Variants in GXYLT1 observed in about 807,000 individuals in gnomAD.
GXYLT1 encodes the protein glucoside xylosyltransferase 1.
GXYLT1 carries 29 observed loss-of-function variants against 54.0 expected under a neutral mutation model. The ratio of observed to expected loss-of-function variants is 0.54; its 90% CI spans 0.40 to 0.73. The LOEUF (loss-of-function observed/expected upper bound fraction) is 0.73. GXYLT1 is among the 30% of genes least tolerant of loss of function. GXYLT1 has a pLI of 0.00. For synonymous variants in GXYLT1, 176 were observed against 204.1 expected (o/e 0.86, Z 1.17); for missense variants, 490 against 553.4 (o/e 0.89, Z 1.15).
At chr12:42,095,735 T>A (rs1166701183) in intron 7 of GXYLT1, among the ~76,000 whole-genome samples, 3 of 152,106 alleles carry the variant, frequency 2.0e-5, no homozygotes, top group Non-Finnish European at 1.5e-5. Context: ...AAAATGCAAT[T>A]ATATCAACAA....
At chr12:42,115,380 C>T (rs982386985) in intron 3 of GXYLT1, among the ~76,000 whole-genome samples, 12 of 152,292 alleles carry the variant, frequency 7.9e-5, no homozygotes, top group African/African-American at 2.9e-4. Flanking sequence ...ATCTAGAAAA[C>T]CCCATCATTC....
At chr12:42,103,302 C>T (rs1253228759) in intron 5 of GXYLT1, among the ~76,000 whole-genome samples, 2 of 152,114 alleles carry the variant, frequency 1.3e-5, no homozygotes, top group Non-Finnish European at 2.9e-5. Context: ...ACACCAGGTT[C>T]GAAATGAACA....
chr12:42,112,467 A>C (rs1275197236), intron 3 of GXYLT1, among the ~76,000 whole-genome samples: 1 of 152,242 alleles, frequency 6.6e-6, no homozygotes, highest in African/African-American at 2.4e-5. Flanking sequence ...GGAGCTGAAA[A>C]CCAAGGCATG....
chr12:42,144,713 G>C lies in GXYLT1; in HGVS notation c.-67C>G. 1 of 1,184,266 alleles carries C rather than the reference G, an allele frequency of 8.4e-7. No individual in the cohort carries two copies. Among genetic ancestry groups the C allele is most frequent in the South Asian group, 1.9e-5 (1 of 51,462 alleles). The allele number at this position is 1,184,266 out of a possible 1,614,324, so 73.4% of individuals were successfully genotyped here. ...GCCCCGACGAACTGGAGCGGAGGGA[G>C]GGGCACCGCGCAGCCGCGGGCGCAA... On this transcript the variant is annotated 5_prime_UTR_variant, in exon 1 of 8. Transcript: ENST00000398675.
At chr12:42,112,760 G>A (rs1372630144) in intron 3 of GXYLT1, among the ~76,000 whole-genome samples, 1 of 151,222 alleles carries the variant, frequency 6.6e-6, no homozygotes, top group Non-Finnish European at 1.5e-5. Context: ...AACAAGGCAG[G>A]CCAACATTCA....
rs113292831 is a variant in GXYLT1 at position 42,085,330 on chromosome 12, T to C, written c.*2456A>G. 3,020 of 105,874 alleles carry C rather than the reference T, an allele frequency of 0.029. No homozygotes were observed. Among genetic ancestry groups the C allele is most frequent in the South Asian group, 0.029 (106 of 3,650 alleles). 6.6% of individuals were successfully genotyped at this position (105,874 alleles called of 1,614,324 possible). A position where few individuals can be genotyped will look rare whatever the true frequency, so the allele number is the denominator to read the frequency against. On this transcript the variant is annotated 3_prime_UTR_variant, in exon 8 of 8. Coordinates refer to ENST00000398675, the MANE Select transcript of GXYLT1 (RefSeq NM_173601.2). ...GTGACAGTGTAAATAAGCCACAACA[T>C]GAGTGAGACCACAGCATACAGTCCA...
intron 5 of GXYLT1, 54 bp from the exon 6 acceptor site, chr12:42,098,087 C>A (rs1472406569): frequency 6.4e-7 from 1 of 1,556,914 alleles, no homozygotes; most frequent in Non-Finnish European, 8.8e-7. Flanking sequence ...AAAATGGCAG[C>A]ATGATGACAG....
In GXYLT1 at chr12:42,087,712, C is replaced by A; in HGVS notation, c.*74G>T. The A allele has an allele frequency of 9.1e-7, 1 of 1,096,014 alleles. No individual in the cohort carries two copies. The highest frequency in any genetic ancestry group is 3.1e-5 in the Admixed American group (1 of 31,834). 67.9% of individuals were successfully genotyped at this position (1,096,014 alleles called of 1,614,324 possible). A position where few individuals can be genotyped will look rare whatever the true frequency, so the allele number is the denominator to read the frequency against. Reference sequence around the variant, plus strand: ...ATGAGTAATTCCTTCCTGAATACTTCATCCAAGACGATTCCTTCACACTTA... The same window carrying A: ...ATGAGTAATTCCTTCCTGAATACTTAATCCAAGACGATTCCTTCACACTTA... On this transcript the variant is annotated 3_prime_UTR_variant, in exon 8 of 8. Transcript: ENST00000398675.
chr12:42,118,342 T>A (rs984005927), intron 3 of GXYLT1, among the ~76,000 whole-genome samples: 4 of 152,174 alleles, frequency 2.6e-5, no homozygotes, highest in Non-Finnish European at 4.4e-5. Context: ...ACAAAATAAA[T>A]CATAGGATTT....
At chr12:42,141,855 A>G (rs1323119149) in intron 1 of GXYLT1, among the ~76,000 whole-genome samples, 1 of 152,186 alleles carries the variant, frequency 6.6e-6, no homozygotes, top group South Asian at 2.1e-4. Flanking sequence ...ATGGCTTCAA[A>G]CAGAATACAC....
At chr12:42,139,844 G>A (rs1204414800) in intron 1 of GXYLT1, among the ~76,000 whole-genome samples, 1 of 152,060 alleles carries the variant, frequency 6.6e-6, no homozygotes, top group African/African-American at 2.4e-5. Flanking sequence ...TTTCTTTACT[G>A]TTCACTGACT....
In GXYLT1 at chr12:42,144,668, T is replaced by TCGC. The variant is rs569345374; in HGVS notation, c.-25_-23dup. ...GCATCGCCCCGGCCGCGCTCCTCCT[T>TCGC]CGCCGCCGCCGCCGCGCCCGCCCCG... On this transcript the variant is annotated 5_prime_UTR_variant, in exon 1 of 8. Coordinates refer to ENST00000398675, the MANE Select transcript of GXYLT1 (RefSeq NM_173601.2). 1,904 of 1,380,510 alleles carry TCGC rather than the reference T, an allele frequency of 1.4e-3. 6 individuals carry two copies. Among genetic ancestry groups the TCGC allele is most frequent in the Admixed American group, 1.8e-3 (65 of 36,976 alleles). The allele number at this position is 1,380,510 out of a possible 1,614,324, so 85.5% of individuals were successfully genotyped here.
At chr12:42,137,463 G>A (rs549360033) in intron 1 of GXYLT1, among the ~76,000 whole-genome samples, 7 of 131,938 alleles carry the variant, frequency 5.3e-5, no homozygotes, top group South Asian at 2.5e-4. Flanking sequence ...AGCTGAGATC[G>A]CGTCATTGCA....
At chr12:42,124,382 T>TA (rs1180203369) in intron 2 of GXYLT1, among the ~76,000 whole-genome samples, 2 of 151,758 alleles carry the variant, frequency 1.3e-5, no homozygotes, top group African/African-American at 2.4e-5. Context: ...GAAAGTAAAA[T>TA]AAAAAAACAA....
At position 42,144,527 on chromosome 12, in the gene GXYLT1, CT is replaced by C; in HGVS notation, c.119del (p.Lys40SerfsTer18). 1.4e-6 allele frequency: 2 copies of C among 1,424,130 alleles called. No homozygotes were observed. Among genetic ancestry groups the C allele is most frequent in the Non-Finnish European group, 9.2e-7 (1 of 1,085,566 alleles). The allele number at this position is 1,424,130 out of a possible 1,614,324, so 88.2% of individuals were successfully genotyped here. A position where few individuals can be genotyped will look rare whatever the true frequency, so the allele number is the denominator to read the frequency against. On this transcript the variant is annotated frameshift_variant, in exon 1 of 8. Transcript: ENST00000398675. LOFTEE classifies it high-confidence loss of function. ...LEEGTGGGGG[K>X]PQAAVASWLA... ...GCCAGGAAGCCACCGCGGCCTGCGG[CT>C]TCCCGCCACCGCCGCCCGTTCCTTC...
In GXYLT1 at chr12:42,129,992, T is replaced by C. The variant is rs2065585325; in HGVS notation, c.222-141A>G. 4 of 576,308 alleles carry C rather than the reference T, an allele frequency of 6.9e-6. No individual in the cohort carries two copies. The South Asian group carries it at 9.7e-5, about 14-fold the overall frequency. 35.7% of individuals were successfully genotyped at this position (576,308 alleles called of 1,614,324 possible). A position where few individuals can be genotyped will look rare whatever the true frequency, so the allele number is the denominator to read the frequency against. ...TAAATCCAAATTGCTATGATAAAGATTTTGGAAAACTGATTTCTCCCTTAC... is the reference window on the plus strand; with the variant it reads ...TAAATCCAAATTGCTATGATAAAGACTTTGGAAAACTGATTTCTCCCTTAC... On this transcript the variant is annotated intron_variant, in intron 1 of 7. Coordinates refer to ENST00000398675, the MANE Select transcript of GXYLT1 (RefSeq NM_173601.2).
intron 1 of GXYLT1, among the ~76,000 whole-genome samples, chr12:42,138,382 C>A (rs887969456): frequency 2.0e-5 from 3 of 152,152 alleles, no homozygotes; most frequent in Non-Finnish European, 4.4e-5. Context: ...TTTCTAATTT[C>A]ATTAATCCTT....
chr12:42,089,226 G>A (rs1163135320), intron 7 of GXYLT1, among the ~76,000 whole-genome samples: 3 of 151,518 alleles, frequency 2.0e-5, no homozygotes, highest in Non-Finnish European at 4.4e-5. Flanking sequence ...CTACATGCCA[G>A]GCACCATTCT....
intron 1 of GXYLT1, among the ~76,000 whole-genome samples, chr12:42,143,122 G>A (rs1010408513): frequency 6.6e-6 from 1 of 151,988 alleles, no homozygotes; most frequent in Non-Finnish European, 1.5e-5. Flanking sequence ...TAAGACCAAG[G>A]CACTAAAAAT....
Sources: gnomAD v4.1 joint callset for allele counts (sites outside exome capture counted in the v4.1 genomes callset) on GRCh38, gnomAD v4.1.1 for gene constraint, MANE v1.5 for transcripts, NCBI Gene and HGNC (gene_info 2026-07-23, HGNC 2026-07-21) for gene names.